The following KAZN variants were observed in gnomAD, a reference collection of about 807,000 sequenced individuals.
KAZN encodes the protein kazrin, periplakin interacting protein.
Under a neutral mutation model 87.4 loss-of-function variants are expected in KAZN, and 40 were observed. That is an observed-to-expected ratio of 0.46 (90% CI 0.36 to 0.60). The LOEUF is 0.60. KAZN is among the 20% of genes least tolerant of loss of function. The probability of loss-of-function intolerance (pLI) is 0.00; values close to 1 mark genes in which losing one functional copy is unlikely to be tolerated. For synonymous variants in KAZN, 466 were observed against 458.3 expected, an observed-to-expected ratio of 1.02 and a Z score of -0.22; for missense variants, 898 against 1,073.9, an observed-to-expected ratio of 0.84 and a Z score of 2.29.
chr1:14,596,906 T>C (rs568432116), upstream of KAZN, among the ~76,000 whole-genome samples: 8 of 152,392 alleles, frequency 5.2e-5, no homozygotes, highest in Admixed American at 1.3e-4. Flanking sequence ...TGAACATTCA[T>C]GTACAAATTT....
chr1:14,527,677 G>A (rs962262105), intron 2 of KAZN, among the ~76,000 whole-genome samples: 3 of 152,154 alleles, frequency 2.0e-5, no homozygotes, highest in African/African-American at 4.8e-5. Flanking sequence ...TATGGTAGAG[G>A]GGAAGAGAAG....
chr1:14,204,680 TA>T (rs1217251455), intron 2 of KAZN, among the ~76,000 whole-genome samples: 2 of 152,236 alleles, frequency 1.3e-5, no homozygotes, highest in Non-Finnish European at 1.5e-5. Context: ...CTTCTGGGAT[TA>T]AAAAAACCTT....
rs564819607 is a variant in KAZN, at chr1:14,287,787, G to T, written c.249+107195G>T. Among the ~76,000 whole-genome samples the T allele has an allele frequency of 5.5e-4, 84 of 152,286 alleles. 1 individual carries two copies. Among genetic ancestry groups the T allele is most frequent in the African/African-American group, 1.8e-3 (74 of 41,564 alleles). On this transcript the variant is annotated intron_variant, in intron 2 of 16. Coordinates refer to the KAZN transcript ENST00000636203. The stretch of plus-strand genomic sequence containing the variant: ...TTCAAAGGGAATGCTTCTAGCTTTT[G>T]CCCATTCAGTATGATATTGGCTGTG...
chr1:13,997,959 G>A (rs746179993), intron 1 of KAZN, among the ~76,000 whole-genome samples: 4 of 152,112 alleles, frequency 2.6e-5, no homozygotes, highest in Admixed American at 6.5e-5. Context: ...AATGAAAAAT[G>A]TTAAGGGCAG....
intron 2 of KAZN, among the ~76,000 whole-genome samples, chr1:14,407,687 T>C (rs1663974784): frequency 6.6e-6 from 1 of 152,196 alleles, no homozygotes; most frequent in Admixed American, 6.5e-5. Flanking sequence ...GCGTAGAGTG[T>C]TGTATAAACT....
At position 15,094,882 on chromosome 1, in the gene KAZN, G is replaced by A. The variant is rs1640734665; in HGVS notation, c.1496G>A (p.Arg499His). Residue 499 changes from arginine to histidine, a missense_variant, in exon 10 of 15, where the codon CGC (arginine) becomes CAC (histidine). Around this residue, in one of 3 missense-constraint regions of KAZN, gnomAD observed 521 missense variants for 689.4 expected, o/e 0.76. Transcript: ENST00000376030. The surrounding 1 kb of genome is among the most constrained non-coding windows in gnomAD (Gnocchi z 4.5). ...GGGGTGTGCAGCTCCCTGCACCGGC[G>A]CAAGCTGCGCCTGGCCATCGAGGAC... is the stretch of plus-strand genomic sequence containing the variant. ...GLGVCSSLHRRKLRLAIEDYR... is the reference protein window; with the variant it reads ...GLGVCSSLHRHKLRLAIEDYR... 3.9e-6 allele frequency: 6 copies of A among 1,550,452 alleles called. No homozygotes were observed. Among genetic ancestry groups the A allele is most frequent in the Admixed American group, 2.0e-5 (1 of 50,986 alleles).
chr1:14,708,373 C>A (rs970399923), intron 1 of KAZN, among the ~76,000 whole-genome samples: 3 of 152,214 alleles, frequency 2.0e-5, no homozygotes, highest in Admixed American at 1.3e-4. Context: ...ATCTCAGATG[C>A]TAATCCTCGC....
intron 1 of KAZN, among the ~76,000 whole-genome samples, chr1:13,991,901 A>G (rs1570470294): frequency 1.3e-5 from 2 of 151,660 alleles, no homozygotes; most frequent in Non-Finnish European, 2.9e-5. Flanking sequence ...CTCATTCCCA[A>G]CCCTCCGTGC....
At chr1:14,733,243 G>A (rs974897540) in intron 1 of KAZN, among the ~76,000 whole-genome samples, 5 of 152,074 alleles carry the variant, frequency 3.3e-5, no homozygotes, top group African/African-American at 9.7e-5. Flanking sequence ...GCATGTTCCC[G>A]GCAGCCTGTG....
intron 1 of KAZN, among the ~76,000 whole-genome samples, chr1:14,722,143 T>G (rs1465504191): frequency 7.4e-6 from 1 of 134,496 alleles, no homozygotes; most frequent in Non-Finnish European, 1.7e-5. Context: ...AGAGTGAGAC[T>G]CTGTCTCAAA....
chr1:13,986,532 A>G (rs1639026039), intron 1 of KAZN, among the ~76,000 whole-genome samples: 1 of 152,244 alleles, frequency 6.6e-6, no homozygotes, highest in Non-Finnish European at 1.5e-5. Context: ...AGACTTGGAA[A>G]TGGATAAAAT....
chr1:14,567,462 A>C (rs1571949743), intron 2 of KAZN, among the ~76,000 whole-genome samples: 1 of 152,248 alleles, frequency 6.6e-6, no homozygotes. Context: ...CAAAGTGAGC[A>C]CATGCTGTTG....
intron 1 of KAZN, among the ~76,000 whole-genome samples, chr1:14,789,784 AAAAAAAAAAAAAAT>A: frequency 6.7e-6 from 1 of 149,364 alleles, no homozygotes; most frequent in African/African-American, 2.5e-5. Context: ...AAAAAAAAAA[AAAAAAAAAAAAAAT>A]CCCTAGAGCC....
intron 1 of KAZN, among the ~76,000 whole-genome samples, chr1:13,962,465 G>A (rs1249202414): frequency 6.6e-6 from 1 of 152,168 alleles, no homozygotes; most frequent in African/African-American, 2.4e-5. Context: ...ACCATGTGGG[G>A]CTCTCTGGGG....
chr1:14,951,025 G>A (rs185688981), intron 1 of KAZN, among the ~76,000 whole-genome samples: 63 of 152,238 alleles, frequency 4.1e-4, no homozygotes, highest in Non-Finnish European at 8.2e-4. Context: ...TGTAAAATGG[G>A]GACATCCCCT....
At chr1:14,939,711 G>A (rs770348901) in intron 1 of KAZN, among the ~76,000 whole-genome samples, 4 of 152,170 alleles carry the variant, frequency 2.6e-5, no homozygotes, top group Non-Finnish European at 5.9e-5. Context: ...TTGGGATATT[G>A]AGAGCCGTGA....
At position 14,092,556 on chromosome 1, in the gene KAZN, T is replaced by C. The variant is rs528333175; in HGVS notation, c.92-87879T>C. On this transcript the variant is annotated intron_variant, in intron 1 of 16. Transcript: ENST00000636203. ...GTATGTATGTACATATATGTACATATACACACATATATACATATGTATGTA... is the reference window on the plus strand; with the variant it reads ...GTATGTATGTACATATATGTACATACACACACATATATACATATGTATGTA... Among the ~76,000 whole-genome samples the C allele has an allele frequency of 3.8e-5, 5 of 130,404 alleles. No individual in the cohort carries two copies. The East Asian group carries it at 7.1e-4, about 18-fold the overall frequency. The allele number at this position is 130,404 out of a possible 152,430, so 85.6% of individuals were successfully genotyped here.
chr1:14,300,360 G>A (rs1413243330), intron 2 of KAZN, among the ~76,000 whole-genome samples: 1 of 152,038 alleles, frequency 6.6e-6, no homozygotes, highest in African/African-American at 2.4e-5. Flanking sequence ...GCCTCCCAAG[G>A]AACTGGGACC....
chr1:14,904,687 C>T (rs1656309306), intron 1 of KAZN, among the ~76,000 whole-genome samples: 1 of 152,236 alleles, frequency 6.6e-6, no homozygotes, highest in Non-Finnish European at 1.5e-5. Flanking sequence ...CGGCATCTTC[C>T]TCCATGTGCC....
Sources: allele counts gnomAD v4.1 joint callset (sites outside exome capture counted in the v4.1 genomes callset), GRCh38; gene constraint gnomAD v4.1.1; regional missense constraint gnomAD v4.1.1; non-coding constraint Gnocchi (gnomAD v3.1); transcripts MANE v1.5; gene names NCBI Gene and HGNC (gene_info 2026-07-23, HGNC 2026-07-21).